Variants in ANKRD44 observed in about 807,000 individuals in gnomAD.
ANKRD44 encodes the protein ankyrin repeat domain 44, also known as serine/threonine-protein phosphatase 6 regulatory ankyrin repeat subunit B.
Under a neutral mutation model 116.0 loss-of-function variants are expected in ANKRD44, and 35 were observed. The observed-to-expected ratio is 0.30, with a 90% confidence interval of 0.23 to 0.40. The LOEUF is 0.40. Among genes scored for constraint, ANKRD44 ranks in the 10% least tolerant of loss-of-function variants. The pLI is 1.00. For missense variants in ANKRD44, 1,014 were observed against 1,242.6 expected, an observed-to-expected ratio of 0.82 and a Z score of 2.77; for synonymous variants, 435 against 461.8, an observed-to-expected ratio of 0.94 and a Z score of 0.74.
intron 1 of ANKRD44, among the ~76,000 whole-genome samples, chr2:197,251,275 C>G (rs1420242506): frequency 1.3e-5 from 2 of 152,068 alleles, no homozygotes; most frequent in African/African-American, 2.4e-5. Context: ...CTGTTGTTGT[C>G]TATCCAAATT....
intron 4 of ANKRD44, among the ~76,000 whole-genome samples, chr2:197,130,860 G>A (rs1337750136): frequency 6.6e-6 from 1 of 152,182 alleles, no homozygotes; most frequent in Non-Finnish European, 1.5e-5. Flanking sequence ...ATCCTGCTCA[G>A]CTCTGGGAAA....
At chr2:197,253,079 T>C (rs1400816928) in intron 1 of ANKRD44, among the ~76,000 whole-genome samples, 1 of 152,200 alleles carries the variant, frequency 6.6e-6, no homozygotes, top group Non-Finnish European at 1.5e-5. Context: ...AAGATTTTGT[T>C]GCTGTGATAG....
At chr2:197,000,104 A>G (rs556158348) in intron 23 of ANKRD44, among the ~76,000 whole-genome samples, 1 of 152,346 alleles carries the variant, frequency 6.6e-6, no homozygotes, top group South Asian at 2.1e-4. Flanking sequence ...GCATTGTTAC[A>G]GAATGCTACC....
chr2:197,048,931 A>C (rs961838816), intron 16 of ANKRD44, among the ~76,000 whole-genome samples: 1 of 152,094 alleles, frequency 6.6e-6, no homozygotes. Flanking sequence ...TTCTCTGATG[A>C]CCAGTGATGA....
chr2:196,998,323 A>C lies in ANKRD44; in HGVS notation c.2748+14T>G, dbSNP rs1329809301. The stretch of plus-strand genomic sequence containing the variant: ...ATAACGTGAAGTAATAATATTTTAA[A>C]TTCATTTACATACTTTACTACAAGC... On this transcript the variant is annotated intron_variant, in intron 25 of 27. Transcript: ENST00000282272. The C allele has an allele frequency of 5.1e-6, 8 of 1,565,216 alleles. No homozygotes were observed. Among genetic ancestry groups the C allele is most frequent in the Non-Finnish European group, 8.8e-7 (1 of 1,137,770 alleles).
Position 197,083,386 on chromosome 2 carries a change from T to C in ANKRD44, c.1440A>G (p.Ala480=), listed in dbSNP as rs751505685. The change falls in exon 14 of 28, where the codon GCA becomes GCG. Residue 480 remains alanine (A), a synonymous_variant. Coordinates refer to ENST00000282272, the MANE Select transcript of ANKRD44 (RefSeq NM_001195144.2). ...WGRTALHYAA[A]SDMDRNKTIL... ...GTTTTTACTTTCTATCCATGTCTGATGCAGCGGCGTAATGCAAAGCTGTGC... is the reference window on the plus strand; with the variant it reads ...GTTTTTACTTTCTATCCATGTCTGACGCAGCGGCGTAATGCAAAGCTGTGC... The C allele has an allele frequency of 5.6e-6, 9 of 1,613,176 alleles. No homozygotes were observed. The highest frequency in any genetic ancestry group is 7.6e-6 in the Non-Finnish European group (9 of 1,179,678).
chr2:197,100,568 G>A (rs1312652639), intron 9 of ANKRD44, among the ~76,000 whole-genome samples: 5 of 152,222 alleles, frequency 3.3e-5, no homozygotes, highest in African/African-American at 1.2e-4. Context: ...CCCATAAAGT[G>A]TAATTCTGAA....
At chr2:197,273,980 AATATATATATATATATAT>A (rs1164251927) in intron 1 of ANKRD44, among the ~76,000 whole-genome samples, 10 of 43,942 alleles carry the variant, frequency 2.3e-4, no homozygotes, top group African/African-American at 1.0e-3. Context: ...AAAAAAAAAA[AATATATATATATATATAT>A]ATATATATAT....
At chr2:197,010,663 T>C (rs763486233) in intron 18 of ANKRD44, among the ~76,000 whole-genome samples, 7 of 151,992 alleles carry the variant, frequency 4.6e-5, no homozygotes, top group Non-Finnish European at 8.8e-5. Flanking sequence ...TAGGCATGAC[T>C]TCCCACTCAG....
At chr2:197,020,160 T>C (rs1215717604) in intron 17 of ANKRD44, among the ~76,000 whole-genome samples, 8 of 151,954 alleles carry the variant, frequency 5.3e-5, no homozygotes, top group Non-Finnish European at 8.8e-5. Context: ...CATGTAAAAC[T>C]TGAGATAAAA....
chr2:196,993,705 G>A (rs1171707204), intron 26 of ANKRD44, 31 bp from the exon 27 acceptor site: 5 of 1,533,322 alleles, frequency 3.3e-6, no homozygotes, highest in Non-Finnish European at 4.4e-6. Flanking sequence ...CATCAGTTGT[G>A]ATACATATTT....
chr2:197,185,188 C>T (rs1488119749), intron 2 of ANKRD44, among the ~76,000 whole-genome samples: 1 of 152,246 alleles, frequency 6.6e-6, no homozygotes, highest in African/African-American at 2.4e-5. Context: ...CCCGCAGGCC[C>T]TGGACAAATG....
chr2:197,155,728 T>C (rs867911223), intron 2 of ANKRD44, among the ~76,000 whole-genome samples: 1 of 152,212 alleles, frequency 6.6e-6, no homozygotes, highest in Middle Eastern at 3.4e-3. Context: ...AAAGGAAACA[T>C]AGGCAAGATC....
intron 16 of ANKRD44, among the ~76,000 whole-genome samples, chr2:197,032,969 T>A (rs1201698782): frequency 6.6e-6 from 1 of 152,132 alleles, no homozygotes; most frequent in Non-Finnish European, 1.5e-5. Context: ...TAGAGAGAGA[T>A]GCGTTGAGTC....
chr2:196,988,660 A>G lies in ANKRD44; in HGVS notation c.*931T>C. 1 of 985,332 alleles carries G rather than the reference A, an allele frequency of 1.0e-6. No homozygotes were observed. The highest frequency in any genetic ancestry group is 1.2e-6 in the Non-Finnish European group (1 of 829,808). The allele number at this position is 985,332 out of a possible 1,614,324, so 61.0% of individuals were successfully genotyped here. On this transcript the variant is annotated 3_prime_UTR_variant, in exon 28 of 28. Coordinates refer to ENST00000282272, the MANE Select transcript of ANKRD44 (RefSeq NM_001195144.2). ...TTTTGAAATATCTCACATACACTATAAAATAGCAATTTCCAGGGTGGAAAT... is the reference window on the plus strand; with the variant it reads ...TTTTGAAATATCTCACATACACTATGAAATAGCAATTTCCAGGGTGGAAAT...
intron 25 of ANKRD44, among the ~76,000 whole-genome samples, chr2:196,997,452 C>T (rs1422474072): frequency 1.5e-5 from 2 of 135,998 alleles, no homozygotes; most frequent in African/African-American, 2.7e-5. Context: ...TATAATTTAT[C>T]TTTTTTTTTT....
chr2:197,148,946 T>C (rs1025587114), intron 2 of ANKRD44, among the ~76,000 whole-genome samples: 2 of 152,232 alleles, frequency 1.3e-5, no homozygotes, highest in African/African-American at 4.8e-5. Flanking sequence ...GATTCAGTAT[T>C]TGAAATCATG....
chr2:197,020,697 C>T (rs558628084), intron 17 of ANKRD44, among the ~76,000 whole-genome samples: 8 of 151,986 alleles, frequency 5.3e-5, no homozygotes, highest in Non-Finnish European at 7.4e-5. Context: ...TAAAGTAAAG[C>T]CTTCACTAGA....
rs1177241227 is a variant in ANKRD44, at chr2:197,236,760, A to G, written c.28-49654T>C. Among the ~76,000 whole-genome samples, 8 of 152,154 alleles carry G rather than the reference A, an allele frequency of 5.3e-5. No homozygotes were observed. The East Asian group carries it at 1.5e-3, about 29-fold the overall frequency. ...AAGAAAGGAAGGAAGGATAGGAGAA[A>G]AAGAGAAATTTGACAGTAGCTACTG... On this transcript the variant is annotated intron_variant, in intron 1 of 27. Coordinates refer to ENST00000282272, the MANE Select transcript of ANKRD44 (RefSeq NM_001195144.2).
Sources: allele counts gnomAD v4.1 joint callset (sites outside exome capture counted in the v4.1 genomes callset), GRCh38; gene constraint gnomAD v4.1.1; transcripts MANE v1.5; gene names NCBI Gene and HGNC (gene_info 2026-07-23, HGNC 2026-07-21).